APC: variants seen among roughly 807,000 people sequenced by gnomAD.
APC encodes the protein adenomatous polyposis coli protein.
APC carries 72 observed loss-of-function variants against 247.0 expected under a neutral mutation model. The ratio of observed to expected loss-of-function variants is 0.29; its 90% CI spans 0.24 to 0.35. The LOEUF is 0.35. Among genes scored for constraint, APC ranks in the 10% least tolerant of loss-of-function variants. APC has a pLI of 1.00. For missense variants in APC, 3,400 were observed against 3,360.7 expected, an observed-to-expected ratio of 1.01 and a Z score of -0.29; for synonymous variants, 1,254 against 1,162.5, an observed-to-expected ratio of 1.08 and a Z score of -1.60.
intron 10 of APC, among the ~76,000 whole-genome samples, chr5:112,820,134 A>C (rs1762970083): frequency 6.6e-6 from 1 of 151,888 alleles, no homozygotes; most frequent in Admixed American, 6.6e-5. Flanking sequence ...CAAGAACCAA[A>C]AGCAGTAAGT....
At chr5:112,758,962 A>G (rs1341245922) in intron 2 of APC, among the ~76,000 whole-genome samples, 1 of 152,214 alleles carries the variant, frequency 6.6e-6, no homozygotes, top group East Asian at 1.9e-4. Context: ...TAAATATGGC[A>G]TTTTAGAGAT....
At chr5:112,787,967 CAT>C (rs58722660) in intron 6 of APC, among the ~76,000 whole-genome samples, 3,699 of 152,138 alleles carry the variant, frequency 0.024, 159 homozygotes, top group African/African-American at 0.085. Flanking sequence ...ATGATTTATA[CAT>C]GTGTGTATAT....
In APC at chr5:112,842,173, A is replaced by G. The variant is rs908184283; in HGVS notation, c.6579A>G (p.Lys2193=). The G allele has an allele frequency of 1.9e-5, 30 of 1,612,482 alleles. No homozygotes were observed. Among genetic ancestry groups the G allele is most frequent in the Non-Finnish European group, 2.5e-5 (29 of 1,178,936 alleles). The change falls in exon 16 of 16, where the codon AAA becomes AAG. Residue 2193 remains lysine (K), a synonymous_variant. Coordinates refer to ENST00000257430, the MANE Select transcript of APC (RefSeq NM_000038.6). ...SESKGIKGGK[K]VYKSLITGKV... The stretch of plus-strand genomic sequence containing the variant: ...GTAAAGGAATCAAAGGAGGAAAAAA[A>G]GTTTATAAAAGTTTGATTACTGGAA...
intron 1 of APC, among the ~76,000 whole-genome samples, chr5:112,732,593 T>G (rs1752154399): frequency 6.6e-6 from 1 of 152,204 alleles, no homozygotes; most frequent in South Asian, 2.1e-4. Context: ...TAATTTAAAA[T>G]CACTTTTTAA....
intron 8 of APC, among the ~76,000 whole-genome samples, chr5:112,808,008 A>G (rs576418497): frequency 2.0e-5 from 3 of 152,198 alleles, no homozygotes; most frequent in Admixed American, 1.3e-4. Flanking sequence ...TACAAAAATT[A>G]GCCAGATGTG....
Position 112,838,270 on chromosome 5 carries a change from A to G in APC, c.2676A>G (p.Glu892=), listed in dbSNP as rs1580625658. The G allele has an allele frequency of 6.2e-7, 1 of 1,614,238 alleles. No individual in the cohort carries two copies. Reference sequence around the variant, plus strand: ...CAGCCCAGATTGCCAAAGTCATGGAAGAAGTGTCAGCCATTCATACCTCTC... The same window carrying G: ...CAGCCCAGATTGCCAAAGTCATGGAGGAAGTGTCAGCCATTCATACCTCTC... ...TTAAQIAKVM[E]EVSAIHTSQE... is the part of the protein sequence containing the mutation. Residue 892 remains glutamate (E), a synonymous_variant, in exon 16 of 16, where the codon GAA becomes GAG. Transcript: ENST00000257430.
rs765196085 is a variant in APC at position 112,819,224 on chromosome 5, A to C, written c.1192A>C (p.Lys398Gln). ...HNIIHSQPDD[K>Q]RGRREIRVLH... is the part of the protein sequence containing the mutation. ...CATCATTCACTCACAGCCTGATGAC[A>C]AGAGAGGCAGGCGTGAAATCCGAGT... The change falls in exon 10 of 16, where the codon AAG becomes CAG. Residue 398 changes from lysine (K) to glutamine (Q), a missense_variant. Coordinates refer to ENST00000257430, the MANE Select transcript of APC (RefSeq NM_000038.6). 29 of 1,613,858 alleles carry C rather than the reference A, an allele frequency of 1.8e-5. No homozygotes were observed. The highest frequency in any genetic ancestry group is 2.3e-5 in the Non-Finnish European group (27 of 1,179,950).
chr5:112,756,127 C>T (rs1188722790), intron 2 of APC, among the ~76,000 whole-genome samples: 5 of 152,156 alleles, frequency 3.3e-5, no homozygotes, highest in African/African-American at 1.2e-4. Context: ...TCAAGGTTTC[C>T]CTTATTCTCC....
In APC at chr5:112,780,794, C is replaced by T. The variant is rs1758235408; in HGVS notation, c.536C>T (p.Ser179Phe). ...TTTTATTATTTGTGGTTTTAGTTTT[C>T]CTTACAAACAGATATGACCAGAAGG... ...IDSLPLTENF[S>F]LQTDMTRRQL... is the part of the protein sequence containing the mutation. Residue 179 changes from serine (S) to phenylalanine (F), a missense_variant, in exon 6 of 16, where the codon TCC becomes TTC. Physicochemically the swap from Ser to Phe is radical, Grantham distance 155 (BLOSUM62 -2). This residue lies in a region of APC where 372 missense variants were observed against 367.6 expected (regional missense o/e 1.01). Transcript: ENST00000257430. 1 of 1,606,722 alleles carries T rather than the reference C, an allele frequency of 6.2e-7. No homozygotes were observed. The highest frequency in any genetic ancestry group is 8.5e-7 in the Non-Finnish European group (1 of 1,174,048).
At chr5:112,824,761 G>T (rs1763471951) in intron 11 of APC, among the ~76,000 whole-genome samples, 1 of 32,206 alleles carries the variant, frequency 3.1e-5, no homozygotes, top group Non-Finnish European at 6.7e-5. Flanking sequence ...AGTATACCAG[G>T]CCAAGTCTTA....
chr5:112,764,786 T>G (rs1756087386), intron 2 of APC, among the ~76,000 whole-genome samples: 1 of 152,076 alleles, frequency 6.6e-6, no homozygotes, highest in African/African-American at 2.4e-5. Flanking sequence ...TAGCAATGGA[T>G]GGAAAGAGAA....
chr5:112,813,681 G>A (rs1230604005), intron 8 of APC, among the ~76,000 whole-genome samples: 2 of 151,770 alleles, frequency 1.3e-5, no homozygotes, highest in Non-Finnish European at 1.5e-5. Flanking sequence ...TACTCTGGAG[G>A]CTGAGGTGAG....
intron 13 of APC, 150 bp downstream of exon 13, chr5:112,828,156 C>T (rs1763912318): frequency 1.4e-6 from 1 of 726,544 alleles, no homozygotes; most frequent in Non-Finnish European, 2.4e-6. Flanking sequence ...CCACTTCAGC[C>T]TCTCGAGGCT....
intron 14 of APC, among the ~76,000 whole-genome samples, chr5:112,831,998 C>T (rs970517539): frequency 2.0e-5 from 3 of 152,172 alleles, no homozygotes; most frequent in African/African-American, 4.8e-5. Context: ...TTGCTTCTGA[C>T]ACAACCCTTC....
intron 1 of APC, among the ~76,000 whole-genome samples, chr5:112,754,082 C>T (rs370124306): frequency 1.3e-5 from 2 of 152,300 alleles, no homozygotes; most frequent in East Asian, 3.9e-4. Flanking sequence ...AACTGCCAGA[C>T]TCTGCTTCAT....
At chr5:112,796,486 A>G (rs991921359) in intron 7 of APC, among the ~76,000 whole-genome samples, 1 of 152,208 alleles carries the variant, frequency 6.6e-6, no homozygotes, top group African/African-American at 2.4e-5. Flanking sequence ...TTTAAGTACA[A>G]TGTGATAGTC....
intron 1 of APC, among the ~76,000 whole-genome samples, chr5:112,732,313 T>A (rs1363632014): frequency 3.3e-5 from 5 of 152,156 alleles, no homozygotes; most frequent in Admixed American, 2.6e-4. Flanking sequence ...TGGCAGCACA[T>A]ACCAAAGCTT....
At chr5:112,737,749 G>A (rs1392602093), upstream of APC, 4 of 783,852 alleles carry the variant, frequency 5.1e-6, no homozygotes, top group African/African-American at 3.8e-5. Flanking sequence ...GTCGGGAAGC[G>A]GAGAGAGAAG....
At chr5:112,768,966 C>G (rs1395733571) in intron 4 of APC, among the ~76,000 whole-genome samples, 1 of 150,744 alleles carries the variant, frequency 6.6e-6, no homozygotes, top group African/African-American at 2.4e-5. Context: ...CTCTCTTTAT[C>G]TCTTCTTTCC....
Sources: allele counts gnomAD v4.1 joint callset (sites outside exome capture counted in the v4.1 genomes callset), GRCh38; gene constraint gnomAD v4.1.1; regional missense constraint gnomAD v4.1.1; transcripts MANE v1.5; gene names NCBI Gene and HGNC (gene_info 2026-07-23, HGNC 2026-07-21).